The following TEX11 variants were observed in gnomAD, a reference collection of about 807,000 sequenced individuals.
TEX11 encodes testis expressed 11, also known as testis-expressed protein 11.
TEX11 carries 7 observed loss-of-function variants against 84.4 expected under a neutral mutation model. The observed-to-expected ratio is 0.08, with a 90% CI of 0.05 to 0.16. The LOEUF is 0.16. Among genes scored for constraint, TEX11 ranks in the 10% least tolerant of loss-of-function variants. TEX11 has a pLI of 1.00. For synonymous variants in TEX11, 264 were observed against 222.8 expected, an observed-to-expected ratio of 1.18 and a Z score of -1.64; for missense variants, 551 against 660.5, an observed-to-expected ratio of 0.83 and a Z score of 1.82.
intron 9 of TEX11, among the ~76,000 whole-genome samples, chrX:70,781,425 G>A (rs958294876): frequency 8.9e-6 from 1 of 111,914 alleles, no homozygotes; most frequent in Non-Finnish European, 1.9e-5. Context: ...AAGGATCACA[G>A]CTCCTCACCG....
chrX:70,598,111 G>A lies in TEX11; in HGVS notation c.2068-6288C>T, dbSNP rs772574264. On this transcript the variant is annotated intron_variant, in intron 24 of 29. Transcript: ENST00000374333. ...CAGGAGAATCACTTGAACCTGGGAG[G>A]CAGAGATTGCAGTGAGCTGAGATCG... 6.1e-3 allele frequency among the ~76,000 whole-genome samples: 686 copies of A among 112,011 alleles called. 5 individuals are homozygous for A. Among genetic ancestry groups the A allele is most frequent in the African/African-American group, 0.021 (659 of 30,843 alleles).
chrX:70,516,960 C>T, the TEX11 span, among the ~76,000 whole-genome samples: 6 of 111,554 alleles, frequency 5.4e-5, no homozygotes, highest in East Asian at 1.1e-3. Context: ...GTGATTTTTG[C>T]ACATTGATTT....
intron 13 of TEX11, among the ~76,000 whole-genome samples, chrX:70,707,260 A>C (rs1292641353): frequency 9.0e-6 from 1 of 110,883 alleles, no homozygotes; most frequent in Non-Finnish European, 1.9e-5. Flanking sequence ...TTTGTCACTT[A>C]TCCCCATTTT....
chrX:70,908,255 C>G (rs1247316698), intron 1 of TEX11, among the ~76,000 whole-genome samples: 2 of 111,474 alleles, frequency 1.8e-5, no homozygotes, highest in Non-Finnish European at 3.8e-5. Flanking sequence ...ATCTAAACAA[C>G]AATAACTACT....
intron 10 of TEX11, among the ~76,000 whole-genome samples, chrX:70,741,239 T>C (rs760059902): frequency 9.0e-6 from 1 of 111,415 alleles, no homozygotes; most frequent in African/African-American, 3.3e-5. Flanking sequence ...ATACTGTAGC[T>C]ATTTCATAAC....
downstream of TEX11, among the ~76,000 whole-genome samples, chrX:70,524,952 T>C (rs955502813): frequency 1.8e-5 from 2 of 111,963 alleles, no homozygotes; most frequent in African/African-American, 6.5e-5. Flanking sequence ...AGCAGGAAGA[T>C]CACTTGAGCT....
chrX:70,616,766 G>A (rs1313133732), intron 20 of TEX11, among the ~76,000 whole-genome samples: 1 of 111,744 alleles, frequency 8.9e-6, no homozygotes, highest in Admixed American at 9.5e-5. Context: ...AATGAAATAA[G>A]CCAGGCACAG....
intron 2 of TEX11, among the ~76,000 whole-genome samples, chrX:70,898,970 T>C (rs2091788507): frequency 8.9e-6 from 1 of 112,130 alleles, no homozygotes. Flanking sequence ...TCACTGATTA[T>C]CTGTAAGATT....
At chrX:70,568,812 G>A (rs1327303001) in intron 25 of TEX11, among the ~76,000 whole-genome samples, 42 of 110,755 alleles carry the variant, frequency 3.8e-4, no homozygotes, top group African/African-American at 1.3e-3. Flanking sequence ...TGGGTAACCC[G>A]ACCTTTCTCT....
chrX:70,634,136 T>C (rs950389922), intron 17 of TEX11, among the ~76,000 whole-genome samples: 7 of 111,289 alleles, frequency 6.3e-5, no homozygotes, highest in African/African-American at 2.3e-4. Flanking sequence ...GCATAAAATA[T>C]AGTGTACTTA....
intron 1 of TEX11, 102 bp from the exon 2 acceptor site, chrX:70,907,912 GAAA>G: frequency 1.8e-6 from 1 of 558,290 alleles, no homozygotes; most frequent in Non-Finnish European, 2.9e-6. Context: ...TCCAAAGGGA[GAAA>G]AAAAGGCTGA....
chrX:70,659,490 A>G (rs1446337590), intron 16 of TEX11, among the ~76,000 whole-genome samples: 2 of 112,137 alleles, frequency 1.8e-5, no homozygotes, highest in South Asian at 7.4e-4. Context: ...ATGCAAATCA[A>G]AAACACAATA....
chrX:70,548,236 G>A (rs1603049232), intron 28 of TEX11, among the ~76,000 whole-genome samples: 1 of 106,921 alleles, frequency 9.4e-6, no homozygotes, highest in Non-Finnish European at 1.9e-5. Flanking sequence ...CATGGACATA[G>A]GAAGGGGAAC....
chrX:70,517,667 C>G, the TEX11 span, among the ~76,000 whole-genome samples: 231 of 111,442 alleles, frequency 2.1e-3, no homozygotes, highest in Non-Finnish European at 3.7e-3. Flanking sequence ...CCTTCTTTTT[C>G]TATTGATTGG....
At chrX:70,619,597 A>G (rs2089359681) in intron 20 of TEX11, among the ~76,000 whole-genome samples, 1 of 111,897 alleles carries the variant, frequency 8.9e-6, no homozygotes, top group South Asian at 3.7e-4. Context: ...AAGAGTCTCA[A>G]AGCAAAAGAT....
At chrX:70,588,955 A>G (rs2147493571) in intron 25 of TEX11, among the ~76,000 whole-genome samples, 1 of 109,570 alleles carries the variant, frequency 9.1e-6, no homozygotes, top group Non-Finnish European at 1.9e-5. Flanking sequence ...AAAGAAAGAA[A>G]TATCTAGAAT....
intron 2 of TEX11, among the ~76,000 whole-genome samples, chrX:70,888,084 G>T (rs775132440): frequency 2.7e-5 from 3 of 112,997 alleles, no homozygotes; most frequent in Non-Finnish European, 5.6e-5. Flanking sequence ...TATCTGGAAA[G>T]CCTTCCAAAG....
chrX:70,656,861 G>A (rs1354390426), intron 16 of TEX11, among the ~76,000 whole-genome samples: 1 of 111,894 alleles, frequency 8.9e-6, no homozygotes, highest in South Asian at 3.8e-4. Context: ...ATGTACTAAA[G>A]AAGCGATAGT....
At position 70,782,645 on chromosome X, in the gene TEX11, C is replaced by CAAAAAAAAAAAAAAAAAAAAAAA. The variant is rs780011355; in HGVS notation, c.692+24059_692+24060insTTTTTTTTTTTTTTTTTTTTTTT. On this transcript the variant is annotated intron_variant, in intron 9 of 29. Coordinates refer to ENST00000374333, the MANE Select transcript of TEX11 (RefSeq NM_031276.3). ...GAAGATCTACCAAGCAAATGGAAAGCAAAAAAAAAAAAAAAAAAAAACAGG... is the reference window on the plus strand; with the variant it reads ...GAAGATCTACCAAGCAAATGGAAAGCAAAAAAAAAAAAAAAAAAAAAAAAAAAAAAAAAAAAAAAAAAAACAGG... 2.1e-4 allele frequency among the ~76,000 whole-genome samples: 6 copies of CAAAAAAAAAAAAAAAAAAAAAAA among 28,904 alleles called. 1 individual carries two copies. The highest frequency in any genetic ancestry group is 2.5e-4 in the Non-Finnish European group (5 of 19,932). 25.1% of individuals were successfully genotyped at this position (28,904 alleles called of 115,157 possible).
Sources: gnomAD v4.1 joint callset for allele counts (sites outside exome capture counted in the v4.1 genomes callset) on GRCh38, gnomAD v4.1.1 for gene constraint, MANE v1.5 for transcripts, NCBI Gene and HGNC (gene_info 2026-07-23, HGNC 2026-07-21) for gene names.